GAB3: variants seen among roughly 807,000 people sequenced by gnomAD.
The protein encoded by GAB3 is GRB2-associated-binding protein 3.
Under a neutral mutation model 40.4 loss-of-function variants are expected in GAB3, and 12 were observed. The observed-to-expected ratio is 0.30, with a 90% CI of 0.19 to 0.48. The LOEUF is 0.48. GAB3 is among the 20% of genes least tolerant of loss of function. The pLI is 0.99. For missense variants in GAB3, 381 were observed against 461.9 expected, an observed-to-expected ratio of 0.82 and a Z score of 1.61; for synonymous variants, 154 against 176.7, an observed-to-expected ratio of 0.87 and a Z score of 1.02.
In GAB3 at chrX:154,712,337, G is replaced by T. The variant is rs782818856; in HGVS notation, c.961C>A (p.Arg321=). Residue 321 remains arginine, a synonymous_variant, in exon 4 of 10, where the codon CGG becomes AGG. Coordinates refer to ENST00000424127, the MANE Select transcript of GAB3 (RefSeq NM_001081573.3). ...TGTGTACTCCACTCCTCTTGGCGCC[G>T]TTCAGACAGATGGCTTGGCTTAGGG... The part of the protein sequence containing the change: ...RPPKPSHLSE[R]RQEEWSTHSG... 8.3e-7 allele frequency: 1 copy of T among 1,209,711 alleles called. No homozygotes were observed. The highest frequency in any genetic ancestry group is 3.0e-5 in the East Asian group (1 of 33,783).
chrX:154,690,181 T>G (rs1253517656), intron 8 of GAB3, among the ~76,000 whole-genome samples: 6 of 109,060 alleles, frequency 5.5e-5, no homozygotes, highest in East Asian at 2.9e-4. Context: ...ATTCCCTATT[T>G]AATAAATGGT....
chrX:154,731,525 C>G lies in GAB3; in HGVS notation c.73-15196G>C, dbSNP rs1476892874. ...ATGGTTACACAACATTATGAAGGTA[C>G]AGTAGTTAATGCCACTGAACTGTCC... On this transcript the variant is annotated intron_variant, in intron 1 of 9. Coordinates refer to ENST00000424127, the MANE Select transcript of GAB3 (RefSeq NM_001081573.3). Among the ~76,000 whole-genome samples the G allele has an allele frequency of 2.7e-5, 3 of 111,865 alleles. No homozygotes were observed. The Admixed American group carries it at 2.8e-4, about 11-fold the overall frequency.
intron 1 of GAB3, among the ~76,000 whole-genome samples, chrX:154,727,306 A>G (rs782724332): frequency 8.9e-6 from 1 of 112,281 alleles, no homozygotes; most frequent in African/African-American, 3.2e-5. Flanking sequence ...AGATCCTTGC[A>G]TGGCTGCCAT....
intron 4 of GAB3, among the ~76,000 whole-genome samples, chrX:154,706,747 TA>T (rs200277618): frequency 1.3e-4 from 14 of 103,705 alleles, no homozygotes; most frequent in East Asian, 8.9e-4. Context: ...ACCCTGCCTC[TA>T]AAAAAAAAAA....
At chrX:154,746,942 T>C (rs1214667443) in intron 1 of GAB3, among the ~76,000 whole-genome samples, 1 of 112,986 alleles carries the variant, frequency 8.9e-6, no homozygotes, top group Admixed American at 9.3e-5. Flanking sequence ...CAGCATGTTG[T>C]TGGCATAAAA....
chrX:154,725,719 T>C (rs782334050), intron 1 of GAB3, among the ~76,000 whole-genome samples: 141 of 111,062 alleles, frequency 1.3e-3, no homozygotes, highest in African/African-American at 4.5e-3. Context: ...AGGTGCATCC[T>C]AAAACAACTA....
chrX:154,726,344 CCT>C (rs1236784032), intron 1 of GAB3, among the ~76,000 whole-genome samples: 1 of 111,393 alleles, frequency 9.0e-6, no homozygotes, highest in African/African-American at 3.3e-5. Flanking sequence ...GATCATCAAA[CCT>C]GAAGCACAGA....
At chrX:154,721,387 C>A (rs1368244081) in intron 1 of GAB3, among the ~76,000 whole-genome samples, 1 of 112,557 alleles carries the variant, frequency 8.9e-6, no homozygotes, top group Admixed American at 9.4e-5. Flanking sequence ...TGGTGAGGAT[C>A]TGCTTGCTGT....
At chrX:154,700,259 TAGG>T (rs782627094) in intron 4 of GAB3, among the ~76,000 whole-genome samples, 200 bp from the exon 5 acceptor site, 1 of 111,863 alleles carries the variant, frequency 8.9e-6, no homozygotes, top group Admixed American at 9.5e-5. Flanking sequence ...CTCTGTGAAA[TAGG>T]AGGAGACATA....
intron 1 of GAB3, among the ~76,000 whole-genome samples, chrX:154,736,007 A>T (rs2071359900): frequency 8.9e-6 from 1 of 112,513 alleles, no homozygotes; most frequent in African/African-American, 3.2e-5. Flanking sequence ...CATGCAAGCA[A>T]AATGGTCTCT....
intron 9 of GAB3, chrX:154,678,916 T>C: frequency 5.7e-6 from 1 of 174,500 alleles, no homozygotes; most frequent in Non-Finnish European, 1.1e-5. Flanking sequence ...TATTTCTTCA[T>C]AGCAGTGTGA....
At chrX:154,687,140 C>T (rs1455594342) in intron 8 of GAB3, among the ~76,000 whole-genome samples, 2 of 109,399 alleles carry the variant, frequency 1.8e-5, no homozygotes, top group African/African-American at 6.7e-5. Context: ...TGCAGTGAGT[C>T]GAGATTGTGC....
intron 1 of GAB3, among the ~76,000 whole-genome samples, chrX:154,728,679 A>G (rs781906245): frequency 8.9e-6 from 1 of 112,598 alleles, no homozygotes; most frequent in Non-Finnish European, 1.9e-5. Context: ...AGCCACACCC[A>G]GTAAACAGCA....
intron 4 of GAB3, among the ~76,000 whole-genome samples, chrX:154,708,542 G>A (rs1487267349): frequency 2.7e-5 from 3 of 111,877 alleles, no homozygotes; most frequent in Non-Finnish European, 5.6e-5. Flanking sequence ...AAAACTAAAT[G>A]ACCCAATTTT....
chrX:154,693,626 AT>A (rs1557249906), intron 8 of GAB3, among the ~76,000 whole-genome samples: 1 of 111,874 alleles, frequency 8.9e-6, no homozygotes, highest in Non-Finnish European at 1.9e-5. Context: ...AGCATGAGGG[AT>A]TTTGGAACCG....
intron 4 of GAB3, among the ~76,000 whole-genome samples, chrX:154,709,231 AGCCAT>A (rs1308694743): frequency 9.1e-6 from 1 of 110,480 alleles, no homozygotes; most frequent in Non-Finnish European, 1.9e-5. Flanking sequence ...AGGCCTCCCT[AGCCAT>A]GCTTCCTGTA....
intron 4 of GAB3, among the ~76,000 whole-genome samples, chrX:154,709,190 T>C (rs1416291338): frequency 9.0e-6 from 1 of 111,400 alleles, no homozygotes; most frequent in Admixed American, 9.5e-5. Context: ...TTCCTTCCTC[T>C]TTGTCTTCTT....
At chrX:154,732,175 C>T (rs1293207142) in intron 1 of GAB3, among the ~76,000 whole-genome samples, 2 of 111,740 alleles carry the variant, frequency 1.8e-5, no homozygotes, top group Non-Finnish European at 3.8e-5. Context: ...AGCTGAATGA[C>T]TGGGATTGTG....
rs782813970 is a variant in GAB3, at chrX:154,716,219, G to C, written c.183C>G (p.Asp61Glu). The change falls in exon 2 of 10, where the codon GAC (aspartate) becomes GAG (glutamate). Residue 61 changes from aspartate (D) to glutamate (E), a missense_variant. Asp to Glu is a conservative substitution (Grantham distance 45). Transcript: ENST00000424127. ...KHSSKPIRVI[D>E]LSECAVWKHV... ...GCTTCCACACTGCACACTCGCTGAGGTCTATCACCCGGATGGGCTTGCTGG... is the reference window on the plus strand; with the variant it reads ...GCTTCCACACTGCACACTCGCTGAGCTCTATCACCCGGATGGGCTTGCTGG... The C allele has an allele frequency of 2.5e-6, 3 of 1,211,546 alleles. No individual in the cohort carries two copies. In the African/African-American group the frequency reaches 5.2e-5, roughly 21 times the overall value.
Sources: gnomAD v4.1 joint callset for allele counts (sites outside exome capture counted in the v4.1 genomes callset) on GRCh38, gnomAD v4.1.1 for gene constraint, MANE v1.5 for transcripts, NCBI Gene and HGNC (gene_info 2026-07-23, HGNC 2026-07-21) for gene names.